Variants in ATG10 observed in about 807,000 individuals in gnomAD.
ATG10 encodes the protein autophagy related 10.
ATG10 carries 30 observed loss-of-function variants against 32.1 expected under a neutral mutation model. That is an observed-to-expected ratio of 0.94 (90% CI 0.70 to 1.27). The LOEUF (loss-of-function observed/expected upper bound fraction) is 1.27, where lower values mean the gene tolerates loss of function less well. ATG10 is among the 50% of genes most tolerant of loss of function. The pLI, the probability that ATG10 is intolerant of heterozygous loss-of-function variation, is 0.00. For synonymous variants in ATG10, 87 were observed against 91.5 expected (o/e 0.95, Z 0.28); for missense variants, 233 against 262.3 (o/e 0.89, Z 0.77).
intron 3 of ATG10, among the ~76,000 whole-genome samples, chr5:82,099,922 T>C (rs1765201472): frequency 6.6e-6 from 1 of 151,072 alleles, no homozygotes; most frequent in Non-Finnish European, 1.5e-5. Flanking sequence ...AGTTCCCACC[T>C]TACACTCAAT....
At chr5:81,986,894 A>G (rs1761292175) in intron 1 of ATG10, among the ~76,000 whole-genome samples, 1 of 152,014 alleles carries the variant, frequency 6.6e-6, no homozygotes, top group Non-Finnish European at 1.5e-5. Flanking sequence ...GAATACAAAA[A>G]TTAGCCAGCG....
rs1765576481 is a variant in ATG10 at position 82,110,272 on chromosome 5, G to A, written c.216+51670G>A. ...CCACAATAAACATAGGTGTGCATGTGTCTTTATAGCAGCATGATTTATATT... is the reference window on the plus strand; with the variant it reads ...CCACAATAAACATAGGTGTGCATGTATCTTTATAGCAGCATGATTTATATT... On this transcript the variant is annotated intron_variant, in intron 3 of 7. Coordinates refer to ENST00000282185, the MANE Select transcript of ATG10 (RefSeq NM_031482.5). Among the ~76,000 whole-genome samples the A allele has an allele frequency of 1.1e-4, 17 of 152,260 alleles. No homozygotes were observed. The South Asian group carries it at 3.5e-3, about 32-fold the overall frequency.
intron 2 of ATG10, among the ~76,000 whole-genome samples, chr5:82,000,567 C>T (rs1284959522): frequency 2.0e-5 from 3 of 152,180 alleles, no homozygotes; most frequent in African/African-American, 7.2e-5. Flanking sequence ...CCAAGAAAAC[C>T]CTATGGTCTC....
Position 82,182,528 on chromosome 5 carries a change from T to C in ATG10, c.453+3941T>C, listed in dbSNP as rs988762657. 7.7e-4 allele frequency among the ~76,000 whole-genome samples: 117 copies of C among 152,270 alleles called. 1 individual carries two copies. Among genetic ancestry groups the C allele is most frequent in the African/African-American group, 2.5e-3 (104 of 41,566 alleles). Reference sequence around the variant, plus strand: ...GTAGCATACCATTACCATGGAATACTACTTAGCAATAAAAAGGGACCAATT... The same window carrying C: ...GTAGCATACCATTACCATGGAATACCACTTAGCAATAAAAAGGGACCAATT... On this transcript the variant is annotated intron_variant, in intron 5 of 7. Transcript: ENST00000282185.
At chr5:82,189,396 C>T (rs1040499167) in intron 5 of ATG10, among the ~76,000 whole-genome samples, 2 of 152,096 alleles carry the variant, frequency 1.3e-5, no homozygotes, top group Non-Finnish European at 2.9e-5. Context: ...AATTCTAGAT[C>T]GATCATTTCA....
intron 5 of ATG10, among the ~76,000 whole-genome samples, chr5:82,250,700 G>C (rs533824330): frequency 6.6e-6 from 1 of 152,094 alleles, no homozygotes; most frequent in African/African-American, 2.4e-5. Context: ...TATTCGTTCT[G>C]TGTGTTTATT....
intron 5 of ATG10, among the ~76,000 whole-genome samples, chr5:82,249,547 C>T (rs1747157800): frequency 6.6e-6 from 1 of 152,156 alleles, no homozygotes; most frequent in Admixed American, 6.5e-5. Flanking sequence ...GTTCTATGTA[C>T]TTCTGTGGTA....
chr5:82,195,089 T>C (rs1298705581), intron 5 of ATG10, among the ~76,000 whole-genome samples: 1 of 152,196 alleles, frequency 6.6e-6, no homozygotes, highest in Admixed American at 6.5e-5. Context: ...TCAAGCACTT[T>C]GCTTTGTAAC....
intron 2 of ATG10, among the ~76,000 whole-genome samples, chr5:82,038,369 C>T (rs1762994743): frequency 1.3e-5 from 2 of 152,192 alleles, no homozygotes; most frequent in Admixed American, 6.5e-5. Flanking sequence ...ATAGTGTTTA[C>T]TACCTGCAGT....
At chr5:82,103,672 G>A (rs1016615363) in intron 3 of ATG10, among the ~76,000 whole-genome samples, 1 of 151,844 alleles carries the variant, frequency 6.6e-6, no homozygotes, top group African/African-American at 2.4e-5. Context: ...CCTTGGGTGG[G>A]TTTCCTTTAG....
At chr5:82,193,115 T>C (rs978184952) in intron 5 of ATG10, among the ~76,000 whole-genome samples, 8 of 152,164 alleles carry the variant, frequency 5.3e-5, no homozygotes, top group Non-Finnish European at 8.8e-5. Context: ...TCTGCCTCCA[T>C]AGTGCTTCTC....
intron 3 of ATG10, among the ~76,000 whole-genome samples, chr5:82,104,523 A>G (rs1358603555): frequency 6.6e-5 from 10 of 152,122 alleles, no homozygotes; most frequent in African/African-American, 2.4e-5. Flanking sequence ...TCTGAACACT[A>G]TTCAAACAAC....
intron 3 of ATG10, among the ~76,000 whole-genome samples, chr5:82,137,842 G>C (rs1189463993): frequency 2.0e-5 from 3 of 152,214 alleles, no homozygotes; most frequent in African/African-American, 7.2e-5. Flanking sequence ...CAGGTGTTCT[G>C]TCCCAGAGAG....
intron 2 of ATG10, among the ~76,000 whole-genome samples, chr5:82,037,516 G>C (rs1042890070): frequency 4.0e-5 from 6 of 151,288 alleles, no homozygotes; most frequent in Admixed American, 2.0e-4. Context: ...CAAAGTGCTG[G>C]GATTACAGGC....
At chr5:82,108,281 G>C (rs777481490) in intron 3 of ATG10, among the ~76,000 whole-genome samples, 10 of 151,854 alleles carry the variant, frequency 6.6e-5, no homozygotes, top group Non-Finnish European at 1.0e-4. Context: ...TAAGAGTAAT[G>C]GTTGTAGTAA....
At chr5:82,186,682 C>T (rs762963019) in intron 5 of ATG10, among the ~76,000 whole-genome samples, 3 of 150,588 alleles carry the variant, frequency 2.0e-5, no homozygotes, top group Non-Finnish European at 4.4e-5. Flanking sequence ...CAACCCTCGC[C>T]TCCCAGGTCA....
intron 5 of ATG10, among the ~76,000 whole-genome samples, chr5:82,247,276 C>G (rs946188964): frequency 1.1e-4 from 17 of 152,114 alleles, no homozygotes. Context: ...TATCTGTATT[C>G]TGGTACAGTT....
intron 3 of ATG10, among the ~76,000 whole-genome samples, chr5:82,068,279 T>G (rs1764004593): frequency 6.6e-6 from 1 of 152,116 alleles, no homozygotes; most frequent in African/African-American, 2.4e-5. Flanking sequence ...ACCATCATTC[T>G]CAGCAAACTA....
At chr5:82,081,923 A>G (rs1764496166) in intron 3 of ATG10, among the ~76,000 whole-genome samples, 1 of 152,226 alleles carries the variant, frequency 6.6e-6, no homozygotes, top group Non-Finnish European at 1.5e-5. Context: ...GAATAGTTTC[A>G]GAAGGAATGG....
Sources: allele counts gnomAD v4.1 joint callset (sites outside exome capture counted in the v4.1 genomes callset), GRCh38; gene constraint gnomAD v4.1.1; transcripts MANE v1.5; gene names NCBI Gene and HGNC (gene_info 2026-07-23, HGNC 2026-07-21).